SGSM1: variants seen among roughly 807,000 people sequenced by gnomAD.
The protein encoded by SGSM1 is small G protein signaling modulator 1, also known as RUN and TBC1 domain containing 2.
Under a neutral mutation model 133.8 loss-of-function variants are expected in SGSM1, and 73 were observed. That is an observed-to-expected ratio of 0.55 (90% confidence interval 0.45 to 0.66). The LOEUF is 0.66. SGSM1 is among the 30% of genes least tolerant of loss of function. SGSM1 has a pLI of 0.00. For synonymous variants in SGSM1, 563 were observed against 573.0 expected (o/e 0.98, Z 0.25); for missense variants, 1,213 against 1,448.1 (o/e 0.84, Z 2.64).
intron 8 of SGSM1, among the ~76,000 whole-genome samples, chr22:24,858,259 C>A (rs1031544583): frequency 6.6e-6 from 1 of 152,178 alleles, no homozygotes; most frequent in Admixed American, 6.5e-5. Context: ...GGATTGTAGG[C>A]GTGAGCCACT....
chr22:24,807,170 C>T (rs1346229107), intron 2 of SGSM1, among the ~76,000 whole-genome samples: 1 of 152,094 alleles, frequency 6.6e-6, no homozygotes, highest in Non-Finnish European at 1.5e-5. Flanking sequence ...GCAGTCTAGT[C>T]TTTAGGGCTC....
chr22:24,905,046 G>A (rs1933320884), intron 20 of SGSM1, 59 bp from the exon 21 acceptor site: 1 of 1,404,250 alleles, frequency 7.1e-7, no homozygotes, highest in Non-Finnish European at 1.0e-6. Context: ...AACAGAAGGT[G>A]GAGTGGGTTG....
intron 19 of SGSM1, among the ~76,000 whole-genome samples, chr22:24,899,725 G>A (rs1453671490): frequency 6.6e-6 from 1 of 151,924 alleles, no homozygotes; most frequent in Admixed American, 6.6e-5. Flanking sequence ...GTTTCACCGG[G>A]TTGGCCAGGA....
rs1443828139 is a variant in SGSM1 at position 24,912,532 on chromosome 22, C to A, written c.2819-111C>A. 4 of 695,672 alleles carry A rather than the reference C, an allele frequency of 5.7e-6. No individual in the cohort carries two copies. The Admixed American group carries it at 8.1e-5, about 14-fold the overall frequency. The allele number at this position is 695,672 out of a possible 1,614,324, so 43.1% of individuals were successfully genotyped here. On this transcript the variant is annotated intron_variant, in intron 21 of 24. Transcript: ENST00000400358. ...TCTCTACTAAAAATACAAAAAAGGT[C>A]CACCCCCAACATTGGAGGTCATATT...
Position 24,855,356 on chromosome 22 carries a change from G to A in SGSM1, c.595G>A (p.Glu199Lys), listed in dbSNP as rs1345151399. Residue 199 changes from glutamate to lysine, a missense_variant, in exon 7 of 25, where the codon GAA becomes AAA. Physicochemically the swap from Glu to Lys is moderately conservative, Grantham distance 56. Transcript: ENST00000400358. ...CTTCTGGACCGATCCCTCGGCTGAC[G>A]AACTTGTCCAGAGGCACCGCATCCA... ...DHFWTDPSAD[E>K]LVQRHRIHSS... The A allele has an allele frequency of 3.7e-6, 6 of 1,613,352 alleles. No homozygotes were observed. The highest frequency in any genetic ancestry group is 2.7e-5 in the African/African-American group (2 of 74,866).
intron 2 of SGSM1, among the ~76,000 whole-genome samples, chr22:24,826,002 T>G (rs4820614): frequency 0.63 from 95,111 of 152,044 alleles, 30,544 homozygotes; most frequent in East Asian, 0.86. Context: ...AGACCTACTG[T>G]GTGCCACAAG....
In SGSM1 at chr22:24,895,357, TTGGG is replaced by T. The variant is rs1189325925; in HGVS notation, c.2022+69_2022+72del. 4 of 1,513,794 alleles carry T rather than the reference TTGGG, an allele frequency of 2.6e-6. No individual in the cohort carries two copies. In the African/African-American group the frequency reaches 5.5e-5, roughly 21 times the overall value. The allele number at this position is 1,513,794 out of a possible 1,614,324, so 93.8% of individuals were successfully genotyped here. On this transcript the variant is annotated intron_variant, in intron 18 of 24. Transcript: ENST00000400358. ...TCCCTTCTGCCTGGGGTCATGGGGG[TTGGG>T]TGTCCGTCATCTGTAGGTCACTTTT...
chr22:24,893,645 G>A, intron 17 of SGSM1, 32 bp downstream of exon 17: 3 of 1,522,278 alleles, frequency 2.0e-6, no homozygotes, highest in Non-Finnish European at 2.6e-6. Context: ...GGAGCGCGGG[G>A]GCTGGGGAAG....
intron 4 of SGSM1, among the ~76,000 whole-genome samples, chr22:24,849,382 T>C (rs190804885): frequency 2.0e-5 from 3 of 152,148 alleles, no homozygotes; most frequent in Admixed American, 2.0e-4. Context: ...GGAGAAACCC[T>C]GTCTCTACTA....
In SGSM1 at chr22:24,919,894, C is replaced by T; in HGVS notation, c.3094C>T (p.His1032Tyr). ...GGCAGCCAAACACGTCTCCTCTGCG[C>T]ACTACGTCCTGTTCATTGCGCTGGC... ...IWAAKHVSSA[H>Y]YVLFIALALV... is the part of the protein sequence containing the mutation. The change falls in exon 24 of 25, where the codon CAC (histidine) becomes TAC (tyrosine). Residue 1032 changes from histidine to tyrosine, a missense_variant. Physicochemically the swap from His to Tyr is moderately conservative, Grantham distance 83 (BLOSUM62 2). Coordinates refer to ENST00000400358, the MANE Select transcript of SGSM1 (RefSeq NM_001098497.3). The T allele has an allele frequency of 1.2e-6, 2 of 1,614,076 alleles. No individual in the cohort carries two copies. Among genetic ancestry groups the T allele is most frequent in the South Asian group, 1.1e-5 (1 of 91,086 alleles).
At position 24,874,194 on chromosome 22, in the gene SGSM1, T is replaced by A. The variant is rs545781100; in HGVS notation, c.1292-2383T>A. 3.6e-4 allele frequency among the ~76,000 whole-genome samples: 55 copies of A among 152,350 alleles called. 1 individual carries two copies. In the South Asian group the frequency reaches 0.011, roughly 30 times the overall value. On this transcript the variant is annotated intron_variant, in intron 12 of 24. Transcript: ENST00000400358. ...GAACAATAACTGGTTTCCTTAGGTT[T>A]GCTCAGGTCGTAAACTTCCTAGCCT...
rs1452379400 is a variant in SGSM1, at chr22:24,844,634, G to A, written c.64-263G>A. 8 of 472,190 alleles carry A rather than the reference G, an allele frequency of 1.7e-5. 1 individual carries two copies. The highest frequency in any genetic ancestry group is 2.3e-5 in the Non-Finnish European group (6 of 261,558). 29.3% of individuals were successfully genotyped at this position (472,190 alleles called of 1,614,324 possible). A position where few individuals can be genotyped will look rare whatever the true frequency, so the allele number is the denominator to read the frequency against. On this transcript the variant is annotated intron_variant, in intron 2 of 24. Coordinates refer to ENST00000400358, the MANE Select transcript of SGSM1 (RefSeq NM_001098497.3). ...CAGTGTGGTCAGGAAAGGAGATGAC[G>A]TTTTGTGAGATGCCTAAGAGAAGCA...
chr22:24,917,117 T>C (rs1289323470), intron 22 of SGSM1, among the ~76,000 whole-genome samples: 1 of 148,268 alleles, frequency 6.7e-6, no homozygotes, highest in African/African-American at 2.5e-5. Flanking sequence ...GGTCTCAAAC[T>C]CCTGGCTTCA....
At position 24,886,626 on chromosome 22, in the gene SGSM1, C is replaced by A. The variant is rs1267898383; in HGVS notation, c.1668C>A (p.Arg556=). ...GTTACGAGGAGCAGGAGCTGCTGCG[C>A]CTCATCTACTACGGGGGCATCCAGC... ...STSYEEQELL[R]LIYYGGIQPE... is the part of the protein sequence containing the mutation. Residue 556 remains arginine, a synonymous_variant, in exon 16 of 25, where the codon CGC becomes CGA. Coordinates refer to ENST00000400358, the MANE Select transcript of SGSM1 (RefSeq NM_001098497.3). 4 of 1,553,698 alleles carry A rather than the reference C, an allele frequency of 2.6e-6. No homozygotes were observed. Among genetic ancestry groups the A allele is most frequent in the Non-Finnish European group, 1.7e-6 (2 of 1,148,242 alleles).
intron 13 of SGSM1, among the ~76,000 whole-genome samples, chr22:24,878,930 C>T (rs1932170764): frequency 4.6e-5 from 7 of 152,198 alleles, no homozygotes; most frequent in Admixed American, 4.6e-4. Context: ...TCAGGCATGG[C>T]TGGATACAGA....
chr22:24,926,191 G>A lies in SGSM1; in HGVS notation c.*1917G>A, dbSNP rs1015304086. 2 of 152,220 alleles carry A rather than the reference G, an allele frequency of 1.3e-5. No homozygotes were observed. Among genetic ancestry groups the A allele is most frequent in the African/African-American group, 4.8e-5 (2 of 41,422 alleles). The allele number at this position is 152,220 out of a possible 1,614,324, so 9.4% of individuals were successfully genotyped here. On this transcript the variant is annotated 3_prime_UTR_variant, in exon 25 of 25. Coordinates refer to ENST00000400358, the MANE Select transcript of SGSM1 (RefSeq NM_001098497.3). ...TGCTTGTAAAGGCTTCTTTCCCTTG[G>A]TATAGCAACTTCAACTGCACCTGAA...
intron 19 of SGSM1, among the ~76,000 whole-genome samples, chr22:24,900,910 G>T (rs891365049): frequency 2.6e-5 from 4 of 152,132 alleles, no homozygotes; most frequent in African/African-American, 7.2e-5. Context: ...CAGGTGGAAG[G>T]TAGATTCCTC....
At chr22:24,844,687 G>A (rs1046596049) in intron 2 of SGSM1, 12 of 555,656 alleles carry the variant, frequency 2.2e-5, no homozygotes, top group Non-Finnish European at 3.5e-5. Flanking sequence ...GAACCTGAAC[G>A]AATAATTGAT....
chr22:24,895,189 C>T (rs1932884936), intron 17 of SGSM1, 34 bp from the exon 18 acceptor site: 1 of 1,584,004 alleles, frequency 6.3e-7, no homozygotes, highest in Non-Finnish European at 8.6e-7. Flanking sequence ...GGTGCAGCCT[C>T]ACCCTCCCTC....
Sources: allele counts gnomAD v4.1 joint callset (sites outside exome capture counted in the v4.1 genomes callset), GRCh38; gene constraint gnomAD v4.1.1; transcripts MANE v1.5; gene names NCBI Gene and HGNC (gene_info 2026-07-23, HGNC 2026-07-21).